The following NCK1 variants were observed in gnomAD, a reference collection of about 807,000 sequenced individuals.
NCK1 encodes SH2/SH3 adapter protein NCK1.
NCK1 carries 19 observed loss-of-function variants against 36.6 expected under a neutral mutation model. The ratio of observed to expected loss-of-function variants is 0.52; its 90% CI spans 0.36 to 0.76. The LOEUF is 0.76. Ranked by LOEUF, NCK1 falls within the 30% of genes least tolerant of loss-of-function variation. The pLI is 0.00. For synonymous variants in NCK1, 165 were observed against 156.0 expected (o/e 1.06, Z -0.43); for missense variants, 358 against 445.6 (o/e 0.80, Z 1.77).
chr3:136,917,714 GTTTC>G (rs1940005133), intron 1 of NCK1, among the ~76,000 whole-genome samples: 1 of 152,182 alleles, frequency 6.6e-6, no homozygotes, highest in South Asian at 2.1e-4. Context: ...TAAAGGTCAC[GTTTC>G]TTTATTTATA....
chr3:136,925,631 T>C (rs1179952982), intron 1 of NCK1, among the ~76,000 whole-genome samples: 6 of 152,200 alleles, frequency 3.9e-5, no homozygotes, highest in Admixed American at 3.3e-4. Flanking sequence ...CCTTTGAGAT[T>C]GGCTTTTTTC....
At chr3:136,922,169 CTT>C (rs1306191872) in intron 1 of NCK1, among the ~76,000 whole-genome samples, 1 of 152,266 alleles carries the variant, frequency 6.6e-6, no homozygotes, top group Non-Finnish European at 1.5e-5. Flanking sequence ...GAGAAACAAA[CTT>C]ATTATTTATG....
intron 2 of NCK1, among the ~76,000 whole-genome samples, chr3:136,932,149 A>G (rs1241593403): frequency 6.6e-6 from 1 of 151,542 alleles, no homozygotes; most frequent in African/African-American, 2.4e-5. Context: ...AATCCATTGT[A>G]TCATTGATAC....
chr3:136,882,937 T>A (rs565923686), intron 1 of NCK1, among the ~76,000 whole-genome samples: 2 of 152,310 alleles, frequency 1.3e-5, no homozygotes, highest in African/African-American at 2.4e-5. Flanking sequence ...ATGACTTTTT[T>A]AAAGACAGTC....
chr3:136,884,173 A>G (rs954853338), intron 1 of NCK1, among the ~76,000 whole-genome samples: 5 of 152,140 alleles, frequency 3.3e-5, no homozygotes, highest in African/African-American at 1.2e-4. Context: ...AGTGGAAGGA[A>G]AATGAGGAGC....
At chr3:136,886,515 C>T (rs1939077701) in intron 1 of NCK1, among the ~76,000 whole-genome samples, 1 of 151,922 alleles carries the variant, frequency 6.6e-6, no homozygotes, top group Admixed American at 6.6e-5. Context: ...GAAAAAACGT[C>T]TGTATATGTT....
intron 1 of NCK1, among the ~76,000 whole-genome samples, chr3:136,926,804 A>G (rs997104510): frequency 2.6e-5 from 4 of 152,146 alleles, no homozygotes; most frequent in African/African-American, 9.7e-5. Context: ...TGGTTGTAGG[A>G]TATCAGTTAC....
At chr3:136,930,231 A>G (rs553967081) in intron 2 of NCK1, among the ~76,000 whole-genome samples, 210 of 152,328 alleles carry the variant, frequency 1.4e-3, no homozygotes, top group African/African-American at 4.7e-3. Context: ...GTTGAGAAGG[A>G]AAAGGGGAAA....
At chr3:136,892,630 C>G (rs1360770673) in intron 1 of NCK1, among the ~76,000 whole-genome samples, 2 of 152,200 alleles carry the variant, frequency 1.3e-5, no homozygotes, top group Non-Finnish European at 2.9e-5. Context: ...GTAATCTACT[C>G]CATCCAGGCT....
intron 1 of NCK1, among the ~76,000 whole-genome samples, chr3:136,871,670 A>G (rs1471812971): frequency 6.6e-6 from 1 of 152,124 alleles, no homozygotes; most frequent in Non-Finnish European, 1.5e-5. Flanking sequence ...TGTAACTGAT[A>G]TGGTTTGGCT....
chr3:136,913,417 C>G (rs1026874721), intron 1 of NCK1, among the ~76,000 whole-genome samples: 15 of 151,968 alleles, frequency 9.9e-5, no homozygotes, highest in Admixed American at 7.2e-4. Context: ...TGCAAGTGTG[C>G]ACCACTATGC....
chr3:136,902,198 T>TTTTTTG (rs1939561830), intron 1 of NCK1, among the ~76,000 whole-genome samples: 1 of 131,502 alleles, frequency 7.6e-6, no homozygotes, highest in Non-Finnish European at 1.6e-5. Flanking sequence ...TTTTTTTTTT[T>TTTTTTG]TTTTGTTTTT....
chr3:136,874,043 G>C (rs1227503699), intron 1 of NCK1, among the ~76,000 whole-genome samples: 1 of 152,190 alleles, frequency 6.6e-6, no homozygotes, highest in East Asian at 1.9e-4. Context: ...GAGTGCAGCA[G>C]TAGTTCCTTT....
rs903577398 is a variant in NCK1 at position 136,950,134 on chromosome 3, G to A, written c.*1681G>A. ...GTAAAATCAAATGAATATAAATTGA[G>A]GAAAACTTTAAATTGTTGTAGGATG... On this transcript the variant is annotated 3_prime_UTR_variant, in exon 4 of 4. Transcript: ENST00000481752. 6.6e-6 allele frequency among the ~76,000 whole-genome samples: 1 copy of A among 152,028 alleles called. No homozygotes were observed. The highest frequency in any genetic ancestry group is 2.4e-5 in the African/African-American group (1 of 41,426).
chr3:136,931,461 T>A (rs1273022189), intron 2 of NCK1, among the ~76,000 whole-genome samples: 1 of 152,166 alleles, frequency 6.6e-6, no homozygotes. Context: ...TGAAAAAGAA[T>A]GTTGTAATTG....
At chr3:136,915,031 A>G (rs992297507) in intron 1 of NCK1, among the ~76,000 whole-genome samples, 1 of 152,194 alleles carries the variant, frequency 6.6e-6, no homozygotes. Context: ...CATGGGTGGA[A>G]GCATACTGAG....
chr3:136,931,603 AACTT>A (rs1940392508), intron 2 of NCK1, among the ~76,000 whole-genome samples: 2 of 152,144 alleles, frequency 1.3e-5, no homozygotes, highest in South Asian at 2.1e-4. Context: ...ACCTTTGAAG[AACTT>A]ACTTATTTGC....
chr3:136,883,239 G>T (rs541962104), intron 1 of NCK1, among the ~76,000 whole-genome samples: 1 of 152,192 alleles, frequency 6.6e-6, no homozygotes, highest in South Asian at 2.1e-4. Context: ...ATTACATGTA[G>T]AATAAAATTG....
At chr3:136,903,807 A>G (rs1209354747) in intron 1 of NCK1, among the ~76,000 whole-genome samples, 1 of 152,124 alleles carries the variant, frequency 6.6e-6, no homozygotes, top group African/African-American at 2.4e-5. Context: ...TATTTCTGTC[A>G]TTTTATTAAC....
Sources: gnomAD v4.1 joint callset for allele counts (sites outside exome capture counted in the v4.1 genomes callset) on GRCh38, gnomAD v4.1.1 for gene constraint, MANE v1.5 for transcripts, NCBI Gene and HGNC (gene_info 2026-07-23, HGNC 2026-07-21) for gene names.